SFPQ: variants seen among roughly 807,000 people sequenced by gnomAD.
SFPQ encodes splicing factor proline and glutamine rich.
SFPQ carries 11 observed loss-of-function variants against 72.9 expected under a neutral mutation model. The ratio of observed to expected loss-of-function variants is 0.15; its 90% CI spans 0.09 to 0.25. The LOEUF is 0.25. Among genes scored for constraint, SFPQ ranks in the 10% least tolerant of loss-of-function variants. The pLI is 1.00. For missense variants in SFPQ, 847 were observed against 993.3 expected (o/e 0.85, Z 1.98); for synonymous variants, 506 against 367.3 (o/e 1.38, Z -4.32).
At chr1:35,185,747 T>C (rs1018793228) in intron 9 of SFPQ, among the ~76,000 whole-genome samples, 1 of 152,200 alleles carries the variant, frequency 6.6e-6, no homozygotes, top group Non-Finnish European at 1.5e-5. Context: ...CCTTTGTTTT[T>C]CAAAATCTTA....
chr1:35,177,368 G>C (rs577809298), exon 5 of SFPQ: 1 of 151,976 alleles, frequency 6.6e-6, no homozygotes, highest in Non-Finnish European at 1.5e-5. Flanking sequence ...ATTGACTCAC[G>C]CTGTGTGATG....
chr1:35,186,550 T>C (rs1011440885), intron 9 of SFPQ, among the ~76,000 whole-genome samples: 1 of 152,130 alleles, frequency 6.6e-6, no homozygotes, highest in African/African-American at 2.4e-5. Flanking sequence ...TAGGTCAAAG[T>C]CCTACACATC....
chr1:35,183,761 A>G lies in SFPQ; in HGVS notation c.*695T>C. 1 of 1,052,422 alleles carries G rather than the reference A, an allele frequency of 9.5e-7. No individual in the cohort carries two copies. Among genetic ancestry groups the G allele is most frequent in the East Asian group, 5.4e-5 (1 of 18,478 alleles). The allele number at this position is 1,052,422 out of a possible 1,614,324, so 65.2% of individuals were successfully genotyped here. A position where few individuals can be genotyped will look rare whatever the true frequency, so the allele number is the denominator to read the frequency against. ...AGTAAAGGATAGATCATAGGGCCAT[A>G]AAAGATCCATTTAATCAAACCCACT... On this transcript the variant is annotated 3_prime_UTR_variant, in exon 10 of 10. Coordinates refer to ENST00000357214, the MANE Select transcript of SFPQ (RefSeq NM_005066.3).
At position 35,184,357 on chromosome 1, in the gene SFPQ, C is replaced by T. The variant is rs1034278706; in HGVS notation, c.*99G>A. The stretch of plus-strand genomic sequence containing the variant: ...ATTAGGTCAATAAACTGCTAACATC[C>T]ATAAAAAGATAGCTTTCTTACTAAA... On this transcript the variant is annotated 3_prime_UTR_variant, in exon 10 of 10. Coordinates refer to ENST00000357214, the MANE Select transcript of SFPQ (RefSeq NM_005066.3). 9.6e-6 allele frequency: 15 copies of T among 1,558,932 alleles called. No homozygotes were observed. Among genetic ancestry groups the T allele is most frequent in the African/African-American group, 4.2e-5 (3 of 71,282 alleles).
chr1:35,185,452 C>T (rs1639665357), intron 9 of SFPQ, among the ~76,000 whole-genome samples: 3 of 152,186 alleles, frequency 2.0e-5, no homozygotes, highest in Admixed American at 2.0e-4. Context: ...GCTAAAGTAA[C>T]TGCAATAAAG....
At chr1:35,178,686 G>A (rs1014012774), downstream of SFPQ, 6 of 1,055,064 alleles carry the variant, frequency 5.7e-6, no homozygotes, top group Admixed American at 1.6e-4. Flanking sequence ...GCCTGGCAGG[G>A]CCACAGTGCA....
At chr1:35,191,130 A>C (rs1038616127) in intron 2 of SFPQ, 135 bp from the exon 3 acceptor site, 95 of 862,958 alleles carry the variant, frequency 1.1e-4, no homozygotes, top group Admixed American at 6.5e-4. Flanking sequence ...GCACCCACTA[A>C]CACCACTTAG....
chr1:35,184,717 T>C, intron 9 of SFPQ, 124 bp from the exon 10 acceptor site: 1 of 1,314,502 alleles, frequency 7.6e-7, no homozygotes. Context: ...GATCCACAGG[T>C]ACCGGGAACA....
chr1:35,179,398 G>GT (rs1639376191), downstream of SFPQ: 1 of 1,056,384 alleles, frequency 9.5e-7, no homozygotes, highest in Non-Finnish European at 1.1e-6. Flanking sequence ...GAAAGCACCG[G>GT]TATCTGTTCC....
chr1:35,191,365 G>C lies in SFPQ; in HGVS notation c.993C>G (p.Gly331=), dbSNP rs1360842798. Residue 331 remains glycine, a synonymous_variant, in exon 2 of 10, where the codon GGC becomes GGG. Transcript: ENST00000357214. ...CAAGCTTAATAAATCCGAATCCTTT[G>C]CCTTTGTTGATAAAAACTTCTCCTG... ...GEPGEVFINK[G]KGFGFIKLES... The C allele has an allele frequency of 6.2e-7, 1 of 1,613,742 alleles. No individual in the cohort carries two copies. The highest frequency in any genetic ancestry group is 8.5e-7 in the Non-Finnish European group (1 of 1,179,728).
At chr1:35,178,650 G>GTC, downstream of SFPQ, 4 of 1,056,134 alleles carry the variant, frequency 3.8e-6, no homozygotes, top group Non-Finnish European at 4.6e-6. Context: ...TTTTTCTGAG[G>GTC]GAGAAGACAT....
chr1:35,183,052 CAATAAG>C lies in SFPQ; in HGVS notation c.*1398_*1403del. ...ACTATGTGAAAACAAGTTAAATTTACAATAAGAATGATTATCTGCAACCCTATTTGT... is the reference window on the plus strand; with the variant it reads ...ACTATGTGAAAACAAGTTAAATTTACAATGATTATCTGCAACCCTATTTGT... On this transcript the variant is annotated 3_prime_UTR_variant, in exon 10 of 10. Coordinates refer to ENST00000357214, the MANE Select transcript of SFPQ (RefSeq NM_005066.3). 2.9e-6 allele frequency: 3 copies of C among 1,033,314 alleles called. No individual in the cohort carries two copies. The highest frequency in any genetic ancestry group is 3.5e-6 in the Non-Finnish European group (3 of 859,224). 64.0% of individuals were successfully genotyped at this position (1,033,314 alleles called of 1,614,324 possible). A position where few individuals can be genotyped will look rare whatever the true frequency, so the allele number is the denominator to read the frequency against.
In SFPQ at chr1:35,192,696, A is replaced by G; in HGVS notation, c.354T>C (p.Ala118=). ...CTGGTGGTGCGCTGCCTACTCCGGG[A>G]GCGGGGCCGGGTCCCTGAGCAACGA... ...KPVVAQGPGP[A]PGVGSAPPAS... The change falls in exon 1 of 10, where the codon GCT becomes GCC. Residue 118 remains alanine (A), a synonymous_variant. Coordinates refer to ENST00000357214, the MANE Select transcript of SFPQ (RefSeq NM_005066.3). 2 of 1,440,010 alleles carry G rather than the reference A, an allele frequency of 1.4e-6. No homozygotes were observed. The highest frequency in any genetic ancestry group is 1.4e-5 in the South Asian group (1 of 69,894). The allele number at this position is 1,440,010 out of a possible 1,614,324, so 89.2% of individuals were successfully genotyped here. A position where few individuals can be genotyped will look rare whatever the true frequency, so the allele number is the denominator to read the frequency against.
chr1:35,188,965 A>C (rs773873438), intron 6 of SFPQ, 38 bp downstream of exon 6: 3 of 1,545,792 alleles, frequency 1.9e-6, no homozygotes, highest in Non-Finnish European at 2.7e-6. Flanking sequence ...TTCAAAGAAA[A>C]AAATAAATGA....
chr1:35,182,381 G>A, downstream of SFPQ: 1 of 985,284 alleles, frequency 1.0e-6, no homozygotes. Flanking sequence ...TATAATCATG[G>A]TAAAACTACT....
chr1:35,177,785 A>T (rs1001313319), intron 4 of SFPQ: 6 of 179,294 alleles, frequency 3.3e-5, no homozygotes, highest in Non-Finnish European at 5.8e-5. Flanking sequence ...TCCACTTTTT[A>T]AAAATTCTAT....
intron 9 of SFPQ, 94 bp from the exon 10 acceptor site, chr1:35,184,687 G>A (rs1639629122): frequency 7.1e-7 from 1 of 1,418,440 alleles, no homozygotes. Context: ...AACGTTCGTC[G>A]ATACAATCAC....
downstream of SFPQ, chr1:35,179,611 C>T: frequency 9.5e-7 from 1 of 1,054,212 alleles, no homozygotes; most frequent in East Asian, 5.3e-5. Flanking sequence ...CAATTCATTG[C>T]TACATACAAA....
At chr1:35,180,168 A>G (rs1639407813), downstream of SFPQ, 1 of 1,050,220 alleles carries the variant, frequency 9.5e-7, no homozygotes, top group African/African-American at 1.7e-5. Context: ...TGCAAAGTAA[A>G]CCACTTTCCA....
Sources: allele counts gnomAD v4.1 joint callset (sites outside exome capture counted in the v4.1 genomes callset), GRCh38; gene constraint gnomAD v4.1.1; transcripts MANE v1.5; gene names NCBI Gene and HGNC (gene_info 2026-07-23, HGNC 2026-07-21).